The following COQ3 variants were observed in gnomAD, a reference collection of about 807,000 sequenced individuals.
The protein encoded by COQ3 is ubiquinone biosynthesis O-methyltransferase, mitochondrial.
A neutral mutation model predicts 33.1 loss-of-function variants in COQ3; 29 were observed. The observed-to-expected ratio is 0.88, with a 90% CI of 0.65 to 1.19. COQ3 has a LOEUF of 1.19. Ranked by LOEUF, COQ3 falls within the 50% of genes most tolerant of loss-of-function variation. The pLI, the probability that COQ3 is intolerant of heterozygous loss-of-function variation, is 0.00. For missense variants in COQ3, 437 were observed against 430.7 expected (o/e 1.01, Z -0.13); for synonymous variants, 173 against 157.8 (o/e 1.10, Z -0.72).
intron 1 of COQ3, among the ~76,000 whole-genome samples, chr6:99,384,633 G>A (rs182576948): frequency 1.7e-4 from 26 of 152,220 alleles, no homozygotes; most frequent in African/African-American, 5.8e-4. Context: ...CATTCACCCA[G>A]TCTATATGCT....
rs542261317 is a variant in COQ3 at position 99,380,885 on chromosome 6, C to T, written c.234-544G>A. ...TTGAGCCACTGCACTCCAGCCTCGG[C>T]GACAGAGTGAGACTCTGTCTCAAAA... On this transcript the variant is annotated intron_variant, in intron 2 of 6. Transcript: ENST00000254759. Among the ~76,000 whole-genome samples, 15 of 152,004 alleles carry T rather than the reference C, an allele frequency of 9.9e-5. No homozygotes were observed. The South Asian group carries it at 2.7e-3, about 27-fold the overall frequency.
Position 99,377,414 on chromosome 6 carries a change from A to G in COQ3, c.458T>C (p.Val153Ala), listed in dbSNP as rs772162811. The stretch of plus-strand genomic sequence containing the variant: ...AGTTAACAGCCCACCACCACAGCCA[A>G]CGTCAAGAATCTTCATCCCCAACAA... ...KPLLGMKILD[V>A]GCGGGLLTEP... The change falls in exon 4 of 7, where the codon GTT (valine) becomes GCT (alanine). Residue 153 changes from valine to alanine, a missense_variant. By Grantham distance (64) the Val-to-Ala change is moderately conservative (BLOSUM62 0). Transcript: ENST00000254759. 27 of 1,613,668 alleles carry G rather than the reference A, an allele frequency of 1.7e-5. No individual in the cohort carries two copies. Among genetic ancestry groups the G allele is most frequent in the South Asian group, 7.7e-5 (7 of 91,052 alleles).
chr6:99,391,180 C>A (rs1774818292), intron 1 of COQ3, among the ~76,000 whole-genome samples: 1 of 151,452 alleles, frequency 6.6e-6, no homozygotes. Context: ...CTCACTGTAG[C>A]CTCTACCTCC....
chr6:99,392,077 G>C (rs1229085821), intron 1 of COQ3, among the ~76,000 whole-genome samples: 1 of 152,062 alleles, frequency 6.6e-6, no homozygotes, highest in Non-Finnish European at 1.5e-5. Context: ...GAGAGTAATT[G>C]AGTTTGTATT....
intron 1 of COQ3, among the ~76,000 whole-genome samples, chr6:99,389,441 G>C (rs1399008466): frequency 6.6e-6 from 1 of 151,952 alleles, no homozygotes; most frequent in Non-Finnish European, 1.5e-5. Context: ...TGCTATTTTT[G>C]CCACTTCTTG....
chr6:99,378,114 A>G (rs1319037019), intron 3 of COQ3, among the ~76,000 whole-genome samples: 9 of 20,194 alleles, frequency 4.5e-4, no homozygotes, highest in African/African-American at 1.8e-3. Context: ...ACATATATAT[A>G]TATATATATA....
intron 1 of COQ3, among the ~76,000 whole-genome samples, chr6:99,390,169 CAG>C: frequency 6.6e-6 from 1 of 152,208 alleles, no homozygotes; most frequent in South Asian, 2.1e-4. Flanking sequence ...ATATGTGTTT[CAG>C]AGTCCCTGTA....
chr6:99,390,269 C>T (rs1774785451), intron 1 of COQ3, among the ~76,000 whole-genome samples: 1 of 152,032 alleles, frequency 6.6e-6, no homozygotes, highest in Non-Finnish European at 1.5e-5. Flanking sequence ...ATTTACTATC[C>T]TATCGGTAAT....
At chr6:99,381,113 A>C (rs7743882) in intron 2 of COQ3, among the ~76,000 whole-genome samples, 3,831 of 152,148 alleles carry the variant, frequency 0.025, 182 homozygotes, top group African/African-American at 0.088. Flanking sequence ...ATTTGAGCAC[A>C]GGTGCCTCCA....
At chr6:99,392,899 A>G (rs1178120039) in intron 1 of COQ3, among the ~76,000 whole-genome samples, 2 of 151,726 alleles carry the variant, frequency 1.3e-5, no homozygotes, top group African/African-American at 4.8e-5. Flanking sequence ...AAAACTGGCC[A>G]CCTCCTTCAA....
At chr6:99,385,103 T>C (rs913926078) in intron 1 of COQ3, among the ~76,000 whole-genome samples, 2 of 152,260 alleles carry the variant, frequency 1.3e-5, no homozygotes, top group African/African-American at 2.4e-5. Context: ...AGAGCAAGAC[T>C]GTGCCTCAAA....
At chr6:99,392,842 C>T (rs1445315168) in intron 1 of COQ3, among the ~76,000 whole-genome samples, 3 of 152,042 alleles carry the variant, frequency 2.0e-5, no homozygotes, top group East Asian at 1.9e-4. Flanking sequence ...AGGCTGGTCT[C>T]GAACACTTGA....
At chr6:99,380,071 A>G in intron 3 of COQ3, 118 bp downstream of exon 3, 1 of 905,482 alleles carries the variant, frequency 1.1e-6, no homozygotes, top group Non-Finnish European at 1.6e-6. Context: ...CCTAATTTCC[A>G]AAGCAAACTT....
intron 1 of COQ3, among the ~76,000 whole-genome samples, chr6:99,387,684 AAC>A (rs534799648): frequency 3.3e-5 from 5 of 152,334 alleles, no homozygotes; most frequent in African/African-American, 7.2e-5. Context: ...AAACAAGGTA[AAC>A]ACATCCATTC....
chr6:99,371,695 C>A, intron 5 of COQ3, 108 bp from the exon 6 acceptor site: 1 of 716,784 alleles, frequency 1.4e-6, no homozygotes, highest in South Asian at 1.8e-5. Context: ...AATCTGAGTG[C>A]CATTAAAATA....
At position 99,369,837 on chromosome 6, in the gene COQ3, T is replaced by A. The variant is rs59537968; in HGVS notation, c.890-17A>T. On this transcript the variant is annotated splice_polypyrimidine_tract_variant and intron_variant, in intron 6 of 6. Coordinates refer to ENST00000254759, the MANE Select transcript of COQ3 (RefSeq NM_017421.4). Reference sequence around the variant, plus strand: ...ACAGACCATCTGAAAAAAAAAAAAATCAGAAAGAGTAGATTTAATAAATAT... The same window carrying A: ...ACAGACCATCTGAAAAAAAAAAAAAACAGAAAGAGTAGATTTAATAAATAT... 2,296 of 1,309,372 alleles carry A rather than the reference T, an allele frequency of 1.8e-3. 32 individuals are homozygous for A. In the East Asian group the frequency reaches 0.045, roughly 26 times the overall value. The allele number at this position is 1,309,372 out of a possible 1,614,324, so 81.1% of individuals were successfully genotyped here.
chr6:99,387,689 A>T (rs1057056734), intron 1 of COQ3, among the ~76,000 whole-genome samples: 1 of 152,228 alleles, frequency 6.6e-6, no homozygotes, highest in Non-Finnish European at 1.5e-5. Flanking sequence ...AGGTAAACAC[A>T]TCCATTCTCA....
intron 2 of COQ3, among the ~76,000 whole-genome samples, chr6:99,382,035 G>C (rs1473276768): frequency 2.0e-5 from 3 of 151,980 alleles, no homozygotes; most frequent in Non-Finnish European, 1.5e-5. Context: ...TCTTCATGGG[G>C]CTATGTGATT....
Position 99,394,191 on chromosome 6 carries a change from A to C in COQ3, c.-12T>G. The stretch of plus-strand genomic sequence containing the variant: ...CGGCCACTCCACATCGCGACAAACG[A>C]TCCCACCTCTTTTCCGGTCCCTCCC... On this transcript the variant is annotated 5_prime_UTR_variant, in exon 1 of 7. Coordinates refer to ENST00000254759, the MANE Select transcript of COQ3 (RefSeq NM_017421.4). The C allele has an allele frequency of 6.4e-7, 1 of 1,550,472 alleles. No homozygotes were observed.
Sources: allele counts gnomAD v4.1 joint callset (sites outside exome capture counted in the v4.1 genomes callset), GRCh38; gene constraint gnomAD v4.1.1; transcripts MANE v1.5; gene names NCBI Gene and HGNC (gene_info 2026-07-23, HGNC 2026-07-21).